The following CAMSAP1 variants were observed in gnomAD, a reference collection of about 807,000 sequenced individuals.
CAMSAP1 encodes calmodulin regulated spectrin associated protein 1.
Under a neutral mutation model 143.5 loss-of-function variants are expected in CAMSAP1, and 58 were observed. That is an observed-to-expected ratio of 0.40 (90% confidence interval 0.33 to 0.50). CAMSAP1 has a LOEUF of 0.50. Ranked by LOEUF, CAMSAP1 falls within the 20% of genes least tolerant of loss-of-function variation. The pLI, the probability that CAMSAP1 is intolerant of heterozygous loss-of-function variation, is 0.45. For missense variants in CAMSAP1, 1,969 were observed against 2,115.7 expected (o/e 0.93, Z 1.36); for synonymous variants, 945 against 859.3 (o/e 1.10, Z -1.74).
chr9:135,901,757 T>A (rs574609519), intron 1 of CAMSAP1, among the ~76,000 whole-genome samples: 1 of 151,946 alleles, frequency 6.6e-6, no homozygotes, highest in African/African-American at 2.4e-5. Flanking sequence ...CGGCACGACA[T>A]CCCCCTACTT....
At chr9:135,877,644 TA>T (rs201018569) in intron 3 of CAMSAP1, among the ~76,000 whole-genome samples, 1 of 151,856 alleles carries the variant, frequency 6.6e-6, no homozygotes, top group Admixed American at 6.6e-5. Context: ...CATCTCTAAT[TA>T]AAAAAAATTT....
At chr9:135,880,008 A>C (rs1170049851) in intron 3 of CAMSAP1, among the ~76,000 whole-genome samples, 1 of 152,132 alleles carries the variant, frequency 6.6e-6, no homozygotes, top group Non-Finnish European at 1.5e-5. Context: ...TTTTACCAAA[A>C]TGTTAACCAT....
chr9:135,850,599 G>A (rs967175545), intron 5 of CAMSAP1, 138 bp from the exon 6 acceptor site: 1 of 659,086 alleles, frequency 1.5e-6, no homozygotes, highest in African/African-American at 1.9e-5. Flanking sequence ...GGGAGTATAG[G>A]ATGTACAACA....
At chr9:135,905,775 G>C (rs1365059234) in intron 1 of CAMSAP1, among the ~76,000 whole-genome samples, 3 of 152,254 alleles carry the variant, frequency 2.0e-5, no homozygotes, top group Non-Finnish European at 4.4e-5. Context: ...GTGTGAGGCA[G>C]GTGAGCCCAC....
chr9:135,903,873 A>G (rs1485242292), intron 1 of CAMSAP1, among the ~76,000 whole-genome samples: 2 of 152,294 alleles, frequency 1.3e-5, no homozygotes, highest in African/African-American at 2.4e-5. Flanking sequence ...TGTTGGGGGG[A>G]CCCACACTGT....
intron 7 of CAMSAP1, among the ~76,000 whole-genome samples, chr9:135,843,383 AGT>A (rs1245075866): frequency 5.9e-5 from 9 of 152,194 alleles, no homozygotes; most frequent in African/African-American, 2.2e-4. Context: ...AAGACCCATC[AGT>A]GTGCTGTATT....
rs536362240 is a variant in CAMSAP1, at chr9:135,810,420, A to G, written c.*889T>C. Reference sequence around the variant, plus strand: ...GGGACAAACATGCTCAGAATGAAAAATATTCTACTTTACCAAAATCTGTCT... The same window carrying G: ...GGGACAAACATGCTCAGAATGAAAAGTATTCTACTTTACCAAAATCTGTCT... On this transcript the variant is annotated 3_prime_UTR_variant, in exon 17 of 17. Transcript: ENST00000389532. The G allele has an allele frequency of 1.3e-5, 2 of 152,440 alleles. No individual in the cohort carries two copies. The highest frequency in any genetic ancestry group is 3.9e-4 in the East Asian group (2 of 5,192). 9.4% of individuals were successfully genotyped at this position (152,440 alleles called of 1,614,324 possible).
rs117306634 is a variant in CAMSAP1 at position 135,848,930 on chromosome 9, G to A, written c.1045+1207C>T. ...TTCAGAGGCTGCTCCAAGTAAAACA[G>A]TGACTCCAAGTAACACTCTCGCCAG... On this transcript the variant is annotated intron_variant, in intron 7 of 16. Coordinates refer to ENST00000389532, the MANE Select transcript of CAMSAP1 (RefSeq NM_015447.4). Among the ~76,000 whole-genome samples the A allele has an allele frequency of 3.9e-5, 6 of 152,342 alleles. No individual in the cohort carries two copies. In the East Asian group the frequency reaches 1.2e-3, roughly 29 times the overall value.
Position 135,892,848 on chromosome 9 carries a change from C to CAAAAAAAAAA in CAMSAP1, c.161-9780_161-9771dup, listed in dbSNP as rs59978082. ...CCTGGGCAACAGAGCAAGACTGTCT[C>CAAAAAAAAAA]AAAAAAAAAAAAAAAAAAAGAACTA... is the stretch of plus-strand genomic sequence containing the variant. On this transcript the variant is annotated intron_variant, in intron 1 of 16. Coordinates refer to ENST00000389532, the MANE Select transcript of CAMSAP1 (RefSeq NM_015447.4). 2.6e-3 allele frequency among the ~76,000 whole-genome samples: 110 copies of CAAAAAAAAAA among 42,044 alleles called. 10 individuals are homozygous for CAAAAAAAAAA. The highest frequency in any genetic ancestry group is 9.9e-3 in the African/African-American group (86 of 8,700). The allele number at this position is 42,044 out of a possible 152,430, so 27.6% of individuals were successfully genotyped here. A position where few individuals can be genotyped will look rare whatever the true frequency, so the allele number is the denominator to read the frequency against.
At position 135,863,132 on chromosome 9, in the gene CAMSAP1, C is replaced by T. The variant is rs539039399; in HGVS notation, c.667-524G>A. On this transcript the variant is annotated intron_variant, in intron 4 of 16. Transcript: ENST00000389532. Reference sequence around the variant, plus strand: ...AGAAGCCAGGTTAGACAAAATTTCTCATAACACAACCACCACCACTCTATT... The same window carrying T: ...AGAAGCCAGGTTAGACAAAATTTCTTATAACACAACCACCACCACTCTATT... Among the ~76,000 whole-genome samples the T allele has an allele frequency of 2.6e-5, 4 of 152,328 alleles. No individual in the cohort carries two copies. The South Asian group carries it at 8.3e-4, about 32-fold the overall frequency.
At chr9:135,819,793 G>A (rs1254183737) in intron 11 of CAMSAP1, among the ~76,000 whole-genome samples, 1 of 151,398 alleles carries the variant, frequency 6.6e-6, no homozygotes, top group East Asian at 1.9e-4. Context: ...GTTGCAGTGA[G>A]CCAAGATCAT....
intron 1 of CAMSAP1, among the ~76,000 whole-genome samples, chr9:135,893,576 A>G (rs1053355741): frequency 7.9e-5 from 12 of 152,186 alleles, no homozygotes; most frequent in Non-Finnish European, 1.8e-4. Context: ...AATAACATAC[A>G]CTGTGCCACT....
Position 135,862,625 on chromosome 9 carries a change from G to C in CAMSAP1, c.667-17C>G, listed in dbSNP as rs747952774. 6.4e-7 allele frequency: 1 copy of C among 1,551,414 alleles called. No individual in the cohort carries two copies. Among genetic ancestry groups the C allele is most frequent in the South Asian group, 1.2e-5 (1 of 84,058 alleles). On this transcript the variant is annotated splice_polypyrimidine_tract_variant and intron_variant, in intron 4 of 16. Transcript: ENST00000389532. ...ATAGCGGACCTGTAGTTGATAAAAG[G>C]AAAACGGTCTCTGCATGTGATGTCT...
In CAMSAP1 at chr9:135,907,444, G is replaced by A. The variant is rs935254231; in HGVS notation, c.-285C>T. Among the ~76,000 whole-genome samples the A allele has an allele frequency of 8.2e-5, 12 of 146,180 alleles. No individual in the cohort carries two copies. The highest frequency in any genetic ancestry group is 6.0e-4 in the East Asian group (3 of 5,042). On this transcript the variant is annotated 5_prime_UTR_variant, in exon 1 of 17. Transcript: ENST00000389532. ...GCCGGGGGCGGGGGCGGGCGCGGGG[G>A]CGGGAGCGGGCCGGGGGCGGTGGCA... is the stretch of plus-strand genomic sequence containing the variant.
chr9:135,822,926 G>C lies in CAMSAP1; in HGVS notation c.1735C>G (p.Gln579Glu), dbSNP rs1262451352. ...LTANARSPQG[Q>E]LDTSESKPDS... ...GGCTTACTTTCCGAGGTGTCCAGCT[G>C]TCCTTGGGGAGACCGGGCATTTGCT... Residue 579 changes from glutamine (Q) to glutamate (E), a missense_variant, in exon 11 of 17, where the codon CAG becomes GAG. Gln to Glu is a conservative substitution (Grantham distance 29, BLOSUM62 2). Transcript: ENST00000389532. This position sits in a 1 kb window ranked among gnomAD's most constrained non-coding sequence, Gnocchi z 6.1. 1 of 1,613,988 alleles carries C rather than the reference G, an allele frequency of 6.2e-7. No homozygotes were observed. The highest frequency in any genetic ancestry group is 1.1e-5 in the South Asian group (1 of 91,080).
chr9:135,873,475 TTAAA>T lies in CAMSAP1; in HGVS notation c.586-6943_586-6940del, dbSNP rs537993136. ...AATAAAGGTAAAAGGAAATTAAGTA[TTAAA>T]TAGAGAAAATAAAAACTAAAAGATT... On this transcript the variant is annotated intron_variant, in intron 3 of 16. Transcript: ENST00000389532. 1.7e-3 allele frequency among the ~76,000 whole-genome samples: 265 copies of T among 152,114 alleles called. 2 individuals carry two copies. In the South Asian group the frequency reaches 0.022, roughly 13 times the overall value.
Position 135,850,132 on chromosome 9 carries a change from C to A in CAMSAP1, c.1045+5G>T. On this transcript the variant is annotated splice_donor_5th_base_variant and intron_variant, in intron 7 of 16. Transcript: ENST00000389532. Reference sequence around the variant, plus strand: ...TTGCCAACCTGGGGAATATCTGTCACTCACCGTCTTTCAGCTCCTGAACAT... The same window carrying A: ...TTGCCAACCTGGGGAATATCTGTCAATCACCGTCTTTCAGCTCCTGAACAT... 1 of 1,602,566 alleles carries A rather than the reference C, an allele frequency of 6.2e-7. No homozygotes were observed. The highest frequency in any genetic ancestry group is 8.5e-7 in the Non-Finnish European group (1 of 1,174,804).
At chr9:135,901,013 C>G (rs1838602358) in intron 1 of CAMSAP1, among the ~76,000 whole-genome samples, 1 of 152,148 alleles carries the variant, frequency 6.6e-6, no homozygotes, top group Admixed American at 6.5e-5. Context: ...CTCAACGTCC[C>G]AAAGTGCTGG....
chr9:135,881,270 T>G (rs539578882), intron 3 of CAMSAP1, among the ~76,000 whole-genome samples: 1 of 151,488 alleles, frequency 6.6e-6, no homozygotes, highest in African/African-American at 2.4e-5. Context: ...GGCAGGAGGA[T>G]CACTTGGAGC....
Sources: gnomAD v4.1 joint callset for allele counts (sites outside exome capture counted in the v4.1 genomes callset) on GRCh38, gnomAD v4.1.1 for gene constraint, Gnocchi (gnomAD v3.1) non-coding constraint, MANE v1.5 for transcripts, NCBI Gene and HGNC (gene_info 2026-07-23, HGNC 2026-07-21) for gene names.